SLC25A21: variants seen among roughly 807,000 people sequenced by gnomAD.
The protein encoded by SLC25A21 is mitochondrial 2-oxodicarboxylate carrier.
SLC25A21 carries 47 observed loss-of-function variants against 43.8 expected under a neutral mutation model. That is an observed-to-expected ratio of 1.07 (90% confidence interval 0.85 to 1.37). The LOEUF (loss-of-function observed/expected upper bound fraction) is 1.37, where lower values mean the gene tolerates loss of function less well. Among genes scored for constraint, SLC25A21 ranks in the 40% most tolerant of loss-of-function variants. The pLI is 0.00. For synonymous variants in SLC25A21, 131 were observed against 121.3 expected (o/e 1.08, Z -0.52); for missense variants, 352 against 350.2 (o/e 1.00, Z -0.04).
intron 3 of SLC25A21, among the ~76,000 whole-genome samples, chr14:36,741,239 A>T (rs1433068094): frequency 2.0e-5 from 3 of 152,168 alleles, no homozygotes; most frequent in Non-Finnish European, 1.5e-5. Flanking sequence ...AAATTTCCTA[A>T]GTTACTAGGC....
At chr14:36,705,880 C>T (rs1261415266) in intron 7 of SLC25A21, among the ~76,000 whole-genome samples, 1 of 152,178 alleles carries the variant, frequency 6.6e-6, no homozygotes. Context: ...TGGCCAGAGA[C>T]AGCCTACAGC....
intron 3 of SLC25A21, among the ~76,000 whole-genome samples, chr14:36,792,480 C>T (rs1204833022): frequency 6.6e-6 from 1 of 151,998 alleles, no homozygotes; most frequent in Non-Finnish European, 1.5e-5. Flanking sequence ...TGTAACATAC[C>T]CCTCCCTCAT....
intron 1 of SLC25A21, among the ~76,000 whole-genome samples, chr14:37,166,244 G>A (rs1964028336): frequency 6.6e-6 from 1 of 152,166 alleles, no homozygotes; most frequent in Admixed American, 6.5e-5. Flanking sequence ...GGATGGAGAA[G>A]TAAAATAACT....
intron 1 of SLC25A21, among the ~76,000 whole-genome samples, chr14:36,880,623 T>C (rs1890689238): frequency 1.4e-5 from 2 of 140,392 alleles, no homozygotes; most frequent in Non-Finnish European, 1.6e-5. Context: ...TTAGGGTTTC[T>C]GCCGATGCCA....
intron 1 of SLC25A21, among the ~76,000 whole-genome samples, chr14:37,069,384 C>T (rs1962127613): frequency 6.6e-6 from 1 of 152,090 alleles, no homozygotes; most frequent in Admixed American, 6.5e-5. Flanking sequence ...AGATTATGCC[C>T]TCATGATATT....
intron 2 of SLC25A21, among the ~76,000 whole-genome samples, chr14:36,872,742 T>C (rs1167148154): frequency 1.3e-5 from 2 of 152,246 alleles, no homozygotes; most frequent in Admixed American, 1.3e-4. Flanking sequence ...CTAACTCTAA[T>C]GAATGAATGC....
At chr14:36,712,254 A>C (rs781306775) in intron 6 of SLC25A21, among the ~76,000 whole-genome samples, 3 of 152,212 alleles carry the variant, frequency 2.0e-5, no homozygotes, top group Non-Finnish European at 4.4e-5. Flanking sequence ...TTTAAAAAAA[A>C]ATGTATGAGT....
At chr14:36,722,998 C>T (rs1884436351) in intron 6 of SLC25A21, among the ~76,000 whole-genome samples, 1 of 152,174 alleles carries the variant, frequency 6.6e-6, no homozygotes, top group East Asian at 1.9e-4. Flanking sequence ...CCTGGCCATA[C>T]ACATGCCGAG....
chr14:36,718,263 A>G (rs534709056), intron 6 of SLC25A21, among the ~76,000 whole-genome samples: 67 of 152,326 alleles, frequency 4.4e-4, no homozygotes, highest in African/African-American at 1.5e-3. Flanking sequence ...GCTGCTTTAG[A>G]TATTATTGAA....
intron 3 of SLC25A21, among the ~76,000 whole-genome samples, chr14:36,755,711 C>T (rs1885901730): frequency 1.3e-5 from 2 of 152,172 alleles, no homozygotes; most frequent in African/African-American, 4.8e-5. Flanking sequence ...TTTTTATCAA[C>T]ATAAGAGGAA....
At chr14:36,998,043 G>A (rs1960410265) in intron 1 of SLC25A21, among the ~76,000 whole-genome samples, 2 of 152,096 alleles carry the variant, frequency 1.3e-5, no homozygotes, top group Admixed American at 6.6e-5. Flanking sequence ...TAGATTTCTT[G>A]CCAAGATGAT....
At chr14:36,742,887 TG>T (rs748595901) in intron 3 of SLC25A21, among the ~76,000 whole-genome samples, 10 of 152,332 alleles carry the variant, frequency 6.6e-5, no homozygotes, top group Non-Finnish European at 1.5e-4. Flanking sequence ...CATTATACGC[TG>T]TATGGAGGAA....
chr14:36,852,666 T>C (rs1245764727), intron 2 of SLC25A21, among the ~76,000 whole-genome samples: 1 of 152,162 alleles, frequency 6.6e-6, no homozygotes, highest in Non-Finnish European at 1.5e-5. Flanking sequence ...TATGTGTGAG[T>C]GTGTGTTTAT....
intron 1 of SLC25A21, among the ~76,000 whole-genome samples, chr14:36,875,670 T>C (rs1355635866): frequency 2.0e-5 from 3 of 152,144 alleles, no homozygotes; most frequent in African/African-American, 7.2e-5. Context: ...TTGAAGCATA[T>C]AAGTTAAATA....
chr14:37,034,581 T>C (rs1422121182), intron 1 of SLC25A21, among the ~76,000 whole-genome samples: 1 of 152,220 alleles, frequency 6.6e-6, no homozygotes, highest in African/African-American at 2.4e-5. Context: ...GAGTGATTAA[T>C]GGCAGTGGGC....
intron 1 of SLC25A21, among the ~76,000 whole-genome samples, chr14:37,051,172 A>C (rs1961695579): frequency 6.6e-6 from 1 of 152,230 alleles, no homozygotes; most frequent in Non-Finnish European, 1.5e-5. Context: ...TCACTCCATA[A>C]GTCTAAGCAC....
At chr14:37,080,881 G>C (rs1015177025) in intron 1 of SLC25A21, among the ~76,000 whole-genome samples, 2 of 152,124 alleles carry the variant, frequency 1.3e-5, no homozygotes, top group Admixed American at 6.5e-5. Flanking sequence ...GACGGTGGCA[G>C]GGTCAACTTC....
At chr14:37,039,913 G>T (rs933357397) in intron 1 of SLC25A21, among the ~76,000 whole-genome samples, 2 of 152,096 alleles carry the variant, frequency 1.3e-5, no homozygotes, top group South Asian at 2.1e-4. Flanking sequence ...AGTTACAGGG[G>T]GCTGGGCGCT....
At chr14:36,999,748 TA>T (rs1960447377) in intron 1 of SLC25A21, among the ~76,000 whole-genome samples, 1 of 152,136 alleles carries the variant, frequency 6.6e-6, no homozygotes, top group East Asian at 1.9e-4. Context: ...AAGCAAGTTG[TA>T]AAGTAAAAAA....
Sources: gnomAD v4.1 joint callset for allele counts (sites outside exome capture counted in the v4.1 genomes callset) on GRCh38, gnomAD v4.1.1 for gene constraint, MANE v1.5 for transcripts, NCBI Gene and HGNC (gene_info 2026-07-23, HGNC 2026-07-21) for gene names.